The following GSDMC variants were observed in gnomAD, a reference collection of about 807,000 sequenced individuals.
The protein encoded by GSDMC is gasdermin C, also known as gasdermin-C.
Under a neutral mutation model 58.0 loss-of-function variants are expected in GSDMC, and 59 were observed. The ratio of observed to expected loss-of-function variants is 1.02; its 90% CI spans 0.82 to 1.26. The LOEUF (loss-of-function observed/expected upper bound fraction) is 1.26. Among genes scored for constraint, GSDMC ranks in the 50% most tolerant of loss-of-function variants. The pLI is 0.00. For synonymous variants in GSDMC, 241 were observed against 220.2 expected (o/e 1.09, Z -0.83); for missense variants, 659 against 598.5 (o/e 1.10, Z -1.06).
the GSDMC span, among the ~76,000 whole-genome samples, chr8:129,712,877 C>T: frequency 3.3e-5 from 5 of 152,130 alleles, no homozygotes; most frequent in South Asian, 2.1e-4. Context: ...GAGACATAGA[C>T]GAGGCTGAGA....
chr8:129,748,017 G>GA (rs34661573), downstream of GSDMC, among the ~76,000 whole-genome samples: 2,879 of 149,244 alleles, frequency 0.019, 44 homozygotes, highest in Non-Finnish European at 0.031. Flanking sequence ...ATGTTTCCAG[G>GA]AAAAAAAAAA....
At chr8:129,745,192 A>G (rs60229064), downstream of GSDMC, among the ~76,000 whole-genome samples, 2 of 152,224 alleles carry the variant, frequency 1.3e-5, no homozygotes, top group Non-Finnish European at 2.9e-5. Context: ...TCAATCTATT[A>G]GCACCATTTG....
the GSDMC span, among the ~76,000 whole-genome samples, chr8:129,705,994 T>A: frequency 4.7e-3 from 712 of 152,262 alleles, 6 homozygotes; most frequent in African/African-American, 0.015. Flanking sequence ...AACAGTGACC[T>A]GATATTGGAA....
chr8:129,777,967 A>C (rs988264891), intron 1 of GSDMC, among the ~76,000 whole-genome samples: 1 of 152,138 alleles, frequency 6.6e-6, no homozygotes, highest in Non-Finnish European at 1.5e-5. Context: ...TTGGAGTAGG[A>C]AAGCCTGGGT....
chr8:129,761,838 A>G (rs1405552316), intron 5 of GSDMC, among the ~76,000 whole-genome samples: 1 of 152,174 alleles, frequency 6.6e-6, no homozygotes, highest in African/African-American at 2.4e-5. Flanking sequence ...CATTCTGTCT[A>G]TGGCCACTGA....
At chr8:129,712,422 T>A in the GSDMC span, among the ~76,000 whole-genome samples, 1 of 152,186 alleles carries the variant, frequency 6.6e-6, no homozygotes, top group Non-Finnish European at 1.5e-5. Flanking sequence ...CCAGTTCTGG[T>A]GCTAGGCCTA....
chr8:129,706,991 T>TTC, the GSDMC span: 2 of 152,202 alleles, frequency 1.3e-5, no homozygotes, highest in Non-Finnish European at 2.9e-5. Context: ...TAATAAAGTG[T>TTC]TCTCTCTCCT....
chr8:129,743,064 G>A, the GSDMC span, among the ~76,000 whole-genome samples: 2 of 152,170 alleles, frequency 1.3e-5, no homozygotes, highest in Admixed American at 6.6e-5. Context: ...TTTCAGGAAT[G>A]TGATTATTGT....
chr8:129,722,983 C>T, the GSDMC span: 1 of 152,216 alleles, frequency 6.6e-6, no homozygotes, highest in African/African-American at 2.4e-5. Flanking sequence ...TCACCACATT[C>T]TATTTTTCTG....
At chr8:129,743,413 C>T (rs1204978043), downstream of GSDMC, among the ~76,000 whole-genome samples, 1 of 152,174 alleles carries the variant, frequency 6.6e-6, no homozygotes, top group Non-Finnish European at 1.5e-5. Context: ...TAGCTCTAGA[C>T]ATTCCATTTC....
At chr8:129,772,204 T>A (rs193253772) in intron 3 of GSDMC, among the ~76,000 whole-genome samples, 78 of 140,436 alleles carry the variant, frequency 5.6e-4, no homozygotes, top group African/African-American at 2.0e-3. Flanking sequence ...GAGCATGCAG[T>A]GAGCGGAGAT....
chr8:129,734,992 C>T, the GSDMC span, among the ~76,000 whole-genome samples: 1 of 152,094 alleles, frequency 6.6e-6, no homozygotes, highest in Non-Finnish European at 1.5e-5. Flanking sequence ...CAAAAAAAAG[C>T]AGGGGTTGCA....
chr8:129,748,547 G>C lies in GSDMC; in HGVS notation c.1481C>G (p.Ala494Gly). Residue 494 changes from alanine (A) to glycine (G), a missense_variant, in exon 14 of 14, where the codon GCC becomes GGC. Physicochemically the swap from Ala to Gly is moderately conservative, Grantham distance 60 (BLOSUM62 0). Coordinates refer to ENST00000276708, the MANE Select transcript of GSDMC (RefSeq NM_031415.3). ...CAGCAACGAGAGAGTCCCATAGAGG[G>C]CAGACAGGGGCATCTTTGCTTCTAC... ...WDVEAKMPLS[A>G]LYGTLSLLQQ... 1.2e-6 allele frequency: 2 copies of C among 1,613,396 alleles called. No homozygotes were observed. Among genetic ancestry groups the C allele is most frequent in the Non-Finnish European group, 8.5e-7 (1 of 1,179,606 alleles).
the GSDMC span, among the ~76,000 whole-genome samples, chr8:129,734,593 A>G: frequency 6.6e-6 from 1 of 152,186 alleles, no homozygotes; most frequent in Non-Finnish European, 1.5e-5. Context: ...ATAAGTGAAG[A>G]AGAAATAAAA....
At chr8:129,748,827 G>A in intron 13 of GSDMC, 87 bp from the exon 14 acceptor site, 6 of 1,118,996 alleles carry the variant, frequency 5.4e-6, no homozygotes, top group Non-Finnish European at 7.3e-6. Flanking sequence ...GGCCATGCAG[G>A]ATAATAAAAG....
the GSDMC span, among the ~76,000 whole-genome samples, chr8:129,716,457 A>T: frequency 3.3e-5 from 5 of 152,042 alleles, no homozygotes; most frequent in Non-Finnish European, 7.3e-5. Flanking sequence ...TGATTTTTGC[A>T]CACTGATTTT....
At chr8:129,750,928 C>T (rs921675551) in intron 10 of GSDMC, among the ~76,000 whole-genome samples, 1 of 152,126 alleles carries the variant, frequency 6.6e-6, no homozygotes, top group East Asian at 1.9e-4. Context: ...AACTTAGATG[C>T]TCTGGAATCA....
the GSDMC span, among the ~76,000 whole-genome samples, chr8:129,708,095 C>T: frequency 1.3e-5 from 2 of 152,308 alleles, no homozygotes; most frequent in African/African-American, 2.4e-5. Context: ...CAAGTGTGTG[C>T]TTCACTGTCC....
the GSDMC span, chr8:129,730,099 A>G: frequency 1.0e-6 from 1 of 993,680 alleles, no homozygotes; most frequent in Non-Finnish European, 1.5e-6. Flanking sequence ...AATTCTTGTA[A>G]CACTATTCAG....
Sources: allele counts gnomAD v4.1 joint callset (sites outside exome capture counted in the v4.1 genomes callset), GRCh38; gene constraint gnomAD v4.1.1; transcripts MANE v1.5; gene names NCBI Gene and HGNC (gene_info 2026-07-23, HGNC 2026-07-21).